The following NKAIN3 variants were observed in gnomAD, a reference collection of about 807,000 sequenced individuals.
NKAIN3 encodes the protein sodium/potassium transporting ATPase interacting 3.
In NKAIN3, 25 loss-of-function variants were observed where a neutral mutation model predicts 30.2. The observed-to-expected ratio is 0.83, with a 90% CI of 0.60 to 1.16. The LOEUF is 1.16. NKAIN3 is among the 50% of genes most tolerant of loss of function. NKAIN3 has a pLI of 0.00. For synonymous variants in NKAIN3, 91 were observed against 89.6 expected, an observed-to-expected ratio of 1.02 and a Z score of -0.09; for missense variants, 225 against 254.1, an observed-to-expected ratio of 0.89 and a Z score of 0.78.
intron 4 of NKAIN3, among the ~76,000 whole-genome samples, chr8:62,847,662 T>A (rs1307396701): frequency 6.6e-6 from 1 of 152,210 alleles, no homozygotes; most frequent in Non-Finnish European, 1.5e-5. Context: ...TATGTTTTGC[T>A]GTGCAGAAGC....
At chr8:62,415,593 T>G (rs1379684165) in intron 1 of NKAIN3, among the ~76,000 whole-genome samples, 1 of 151,140 alleles carries the variant, frequency 6.6e-6, no homozygotes, top group African/African-American at 2.4e-5. Flanking sequence ...GGTTACATAT[T>G]ACGGATGATT....
At chr8:62,800,825 CG>C (rs1818033007) in intron 4 of NKAIN3, among the ~76,000 whole-genome samples, 1 of 152,156 alleles carries the variant, frequency 6.6e-6, no homozygotes, top group South Asian at 2.1e-4. Flanking sequence ...TTGCCTCACT[CG>C]GGAAGTGCAA....
intron 5 of NKAIN3, among the ~76,000 whole-genome samples, chr8:62,939,509 A>C (rs1822888219): frequency 6.6e-6 from 1 of 152,224 alleles, no homozygotes; most frequent in South Asian, 2.1e-4. Context: ...AGGCAAAAGC[A>C]TCAGGTAACC....
At chr8:62,325,881 G>A (rs1815102164) in intron 1 of NKAIN3, among the ~76,000 whole-genome samples, 1 of 151,810 alleles carries the variant, frequency 6.6e-6, no homozygotes, top group Admixed American at 6.6e-5. Context: ...ATTTGTTTGA[G>A]TTTCTTGTAG....
intron 1 of NKAIN3, among the ~76,000 whole-genome samples, chr8:62,513,800 G>A (rs1807891142): frequency 7.6e-6 from 1 of 132,190 alleles, no homozygotes; most frequent in African/African-American, 2.9e-5. Context: ...GACCCCAAGA[G>A]GTCAAGGCTG....
At chr8:62,667,607 G>T (rs1455970871) in intron 3 of NKAIN3, among the ~76,000 whole-genome samples, 1 of 151,662 alleles carries the variant, frequency 6.6e-6, no homozygotes, top group Non-Finnish European at 1.5e-5. Flanking sequence ...TCCTGTCTAA[G>T]CCATCCTCAT....
intron 1 of NKAIN3, among the ~76,000 whole-genome samples, chr8:62,342,235 C>CAAAAAAAAAAAAAAAAA (rs3058285): frequency 6.4e-5 from 8 of 124,778 alleles, no homozygotes; most frequent in African/African-American, 2.6e-4. Context: ...ACCACTGAAC[C>CAAAAAAAAAAAAAAAAA]AAAAAAAAAA....
intron 1 of NKAIN3, among the ~76,000 whole-genome samples, chr8:62,257,821 T>C (rs1229883290): frequency 2.0e-5 from 3 of 152,194 alleles, no homozygotes; most frequent in Admixed American, 6.5e-5. Flanking sequence ...CTTTATAAAA[T>C]AATGAATTGC....
At chr8:62,650,442 C>T (rs1009754055) in intron 3 of NKAIN3, among the ~76,000 whole-genome samples, 1 of 152,134 alleles carries the variant, frequency 6.6e-6, no homozygotes, top group African/African-American at 2.4e-5. Flanking sequence ...AAACACATTC[C>T]TAAATACTCC....
intron 4 of NKAIN3, among the ~76,000 whole-genome samples, chr8:62,836,128 A>G (rs1819354372): frequency 6.6e-6 from 1 of 152,072 alleles, no homozygotes; most frequent in African/African-American, 2.4e-5. Context: ...TGGAAGCTAA[A>G]CATTGGGTAC....
chr8:62,892,853 G>T (rs528326773), intron 4 of NKAIN3, among the ~76,000 whole-genome samples: 4 of 152,206 alleles, frequency 2.6e-5, no homozygotes, highest in African/African-American at 9.6e-5. Context: ...CAGCATAAAA[G>T]AGTTAAAAAA....
intron 5 of NKAIN3, among the ~76,000 whole-genome samples, chr8:62,952,696 A>C (rs538180307): frequency 2.0e-5 from 3 of 152,360 alleles, no homozygotes; most frequent in African/African-American, 7.2e-5. Context: ...CCTCCAAAAA[A>C]ACTTTCAAAA....
At chr8:62,628,102 G>C (rs1811844527) in intron 3 of NKAIN3, among the ~76,000 whole-genome samples, 1 of 152,038 alleles carries the variant, frequency 6.6e-6, no homozygotes, top group East Asian at 1.9e-4. Flanking sequence ...TGGTGACTTG[G>C]ATTATTACAC....
chr8:62,655,474 T>C (rs116069767), intron 3 of NKAIN3, among the ~76,000 whole-genome samples: 1,885 of 152,162 alleles, frequency 0.012, 43 homozygotes, highest in East Asian at 0.059. Flanking sequence ...AAATAAGGTA[T>C]TATAAGCTTC....
intron 4 of NKAIN3, among the ~76,000 whole-genome samples, chr8:62,812,899 T>G (rs955222213): frequency 5.3e-5 from 8 of 151,944 alleles, no homozygotes; most frequent in Non-Finnish European, 1.2e-4. Context: ...ATAAAATCAA[T>G]AGTTCATTAA....
chr8:62,391,569 C>T (rs563838931), intron 1 of NKAIN3, among the ~76,000 whole-genome samples: 38 of 151,662 alleles, frequency 2.5e-4, no homozygotes, highest in African/African-American at 8.5e-4. Flanking sequence ...AGAAAAGATA[C>T]ATAGAAATGG....
At chr8:62,735,219 C>A (rs1286287792) in intron 3 of NKAIN3, among the ~76,000 whole-genome samples, 2 of 152,198 alleles carry the variant, frequency 1.3e-5, no homozygotes, top group African/African-American at 4.8e-5. Flanking sequence ...GATTTCTCTT[C>A]TTCCTCAGAA....
intron 4 of NKAIN3, among the ~76,000 whole-genome samples, chr8:62,869,333 G>A (rs1820519711): frequency 2.7e-5 from 4 of 150,810 alleles, no homozygotes; most frequent in South Asian, 2.1e-4. Context: ...GGCGCCCCCC[G>A]CCCCCTGACA....
At chr8:62,866,163 C>T (rs1242844959) in intron 4 of NKAIN3, among the ~76,000 whole-genome samples, 1 of 152,166 alleles carries the variant, frequency 6.6e-6, no homozygotes, top group Non-Finnish European at 1.5e-5. Context: ...CATAATGCCT[C>T]CTCTGGGCAC....
Sources: gnomAD v4.1 joint callset for allele counts (sites outside exome capture counted in the v4.1 genomes callset) on GRCh38, gnomAD v4.1.1 for gene constraint, MANE v1.5 for transcripts, NCBI Gene and HGNC (gene_info 2026-07-23, HGNC 2026-07-21) for gene names.